TCF3: variants seen among roughly 807,000 people sequenced by gnomAD.
The protein encoded by TCF3 is transcription factor 3, also known as transcription factor E2-alpha.
TCF3 carries 54 observed loss-of-function variants against 72.3 expected under a neutral mutation model. That is an observed-to-expected ratio of 0.75 (90% CI 0.60 to 0.94). TCF3 has a LOEUF of 0.94. TCF3 is among the 40% of genes least tolerant of loss of function. The probability of loss-of-function intolerance (pLI) is 0.00; values close to 1 mark genes in which losing one functional copy is unlikely to be tolerated. For synonymous variants in TCF3, 525 were observed against 412.6 expected (o/e 1.27, Z -3.30); for missense variants, 1,078 against 934.4 (o/e 1.15, Z -2.00).
chr19:1,635,870 C>T (rs986006593), intron 3 of TCF3, among the ~76,000 whole-genome samples: 3 of 152,232 alleles, frequency 2.0e-5, no homozygotes, highest in African/African-American at 7.2e-5. Context: ...AACACCTCGA[C>T]AGCTCCTCAC....
intron 3 of TCF3, among the ~76,000 whole-genome samples, chr19:1,637,966 G>A (rs529598657): frequency 6.6e-6 from 1 of 152,140 alleles, no homozygotes; most frequent in Non-Finnish European, 1.5e-5. Flanking sequence ...GAACAAAAAG[G>A]ATGAAGTTCA....
rs1270544123 is a variant in TCF3, at chr19:1,622,348, G to C, written c.617C>G (p.Pro206Arg). ...GAAGGGGGCGGGATAGGTGCTGCTG[G>C]GGGTCTTGGCGGACGGGTAGGCGGT... The part of the protein sequence containing the change: ...DATAYPSAKT[P>R]SSTYPAPFYV... Residue 206 changes from proline (P) to arginine (R), a missense_variant, in exon 9 of 19, where the codon CCC becomes CGC. Physicochemically the swap from Pro to Arg is moderately radical, Grantham distance 103 (BLOSUM62 -2). Transcript: ENST00000262965. 1.3e-6 allele frequency: 2 copies of C among 1,535,918 alleles called. No homozygotes were observed. The highest frequency in any genetic ancestry group is 2.0e-5 in the Admixed American group (1 of 50,228).
intron 18 of TCF3, among the ~76,000 whole-genome samples, chr19:1,612,720 T>C (rs62130065): frequency 0.25 from 34,272 of 136,388 alleles, 4,194 homozygotes; most frequent in East Asian, 0.44. Context: ...ACGGCTGGTG[T>C]GGGTGTGGGC....
Position 1,614,857 on chromosome 19 carries a change from G to A in TCF3, c.1822+428C>T, listed in dbSNP as rs2061394534. Reference sequence around the variant, plus strand: ...GCTCATGTGGCCTTGCGTGGCATCTGCCTGACGGGAAGGGGCCAGGGTGGT... The same window carrying A: ...GCTCATGTGGCCTTGCGTGGCATCTACCTGACGGGAAGGGGCCAGGGTGGT... On this transcript the variant is annotated intron_variant, in intron 18 of 18. Transcript: ENST00000262965. This position sits in a 1 kb window ranked among gnomAD's most constrained non-coding sequence, Gnocchi z 5.6. Among the ~76,000 whole-genome samples, 1 of 152,122 alleles carries A rather than the reference G, an allele frequency of 6.6e-6. No individual in the cohort carries two copies. The highest frequency in any genetic ancestry group is 1.5e-5 in the Non-Finnish European group (1 of 68,018).
At chr19:1,639,416 C>T (rs2064920842) in intron 3 of TCF3, among the ~76,000 whole-genome samples, 1 of 152,100 alleles carries the variant, frequency 6.6e-6, no homozygotes, top group South Asian at 2.1e-4. Flanking sequence ...CCCACACAAG[C>T]CCACAATCCT....
At position 1,630,255 on chromosome 19, in the gene TCF3, G is replaced by C. The variant is rs979640611; in HGVS notation, c.298+1783C>G. ...CAGGTGCAGGGGCCACCCCCGGCAGGGGGGCGGGGCCAGGCCTCACCTACC... is the reference window on the plus strand; with the variant it reads ...CAGGTGCAGGGGCCACCCCCGGCAGCGGGGCGGGGCCAGGCCTCACCTACC... On this transcript the variant is annotated intron_variant, in intron 5 of 18. Transcript: ENST00000262965. 3.3e-5 allele frequency among the ~76,000 whole-genome samples: 5 copies of C among 152,320 alleles called. No individual in the cohort carries two copies. In the East Asian group the frequency reaches 7.7e-4, roughly 24 times the overall value.
rs1288438270 is a variant in TCF3 at position 1,610,271 on chromosome 19, C to T, written c.*1436G>A. Reference sequence around the variant, plus strand: ...GGCTCAGACCAGCACAGTCCCCCGGCTCCAGCCACTCTTGCCCTTGGACCA... The same window carrying T: ...GGCTCAGACCAGCACAGTCCCCCGGTTCCAGCCACTCTTGCCCTTGGACCA... On this transcript the variant is annotated 3_prime_UTR_variant, in exon 19 of 19. Transcript: ENST00000262965. The T allele has an allele frequency of 8.6e-6, 2 of 232,148 alleles. No individual in the cohort carries two copies. The highest frequency in any genetic ancestry group is 5.6e-5 in the Admixed American group (1 of 17,754). 14.4% of individuals were successfully genotyped at this position (232,148 alleles called of 1,614,324 possible).
chr19:1,612,326 G>A (rs1022409862), intron 18 of TCF3: 17 of 1,613,938 alleles, frequency 1.1e-5, no homozygotes, highest in Non-Finnish European at 1.3e-5. Context: ...CTCCCGGAAG[G>A]CCTCGTTAAT....
At chr19:1,643,628 G>A (rs2065651666) in intron 3 of TCF3, among the ~76,000 whole-genome samples, 1 of 152,164 alleles carries the variant, frequency 6.6e-6, no homozygotes, top group South Asian at 2.1e-4. Context: ...CGATCCTCCT[G>A]CCTTGGCCTC....
intron 2 of TCF3, among the ~76,000 whole-genome samples, chr19:1,649,725 C>G (rs2066699433): frequency 6.6e-6 from 1 of 152,146 alleles, no homozygotes; most frequent in Non-Finnish European, 1.5e-5. Context: ...GCCCAGCCCC[C>G]CTCCCATTTA....
At position 1,610,166 on chromosome 19, in the gene TCF3, A is replaced by G. The variant is rs891415162; in HGVS notation, c.*1541T>C. 4.3e-5 allele frequency: 10 copies of G among 232,402 alleles called. No homozygotes were observed. The highest frequency in any genetic ancestry group is 7.6e-5 in the Non-Finnish European group (9 of 117,670). 14.4% of individuals were successfully genotyped at this position (232,402 alleles called of 1,614,324 possible). On this transcript the variant is annotated 3_prime_UTR_variant, in exon 19 of 19. Coordinates refer to ENST00000262965, the MANE Select transcript of TCF3 (RefSeq NM_003200.5). The stretch of plus-strand genomic sequence containing the variant: ...CCTGGAGAGAGGCCTGGGTGCTGGG[A>G]CATGGGACACAGATGGGCCCGAGGG...
chr19:1,642,505 G>T (rs1452138191), intron 3 of TCF3, among the ~76,000 whole-genome samples: 1 of 152,196 alleles, frequency 6.6e-6, no homozygotes, highest in African/African-American at 2.4e-5. Flanking sequence ...AATAAAAAGT[G>T]GATCAACTTC....
At chr19:1,619,876 A>G in intron 13 of TCF3, 23 bp from the exon 14 acceptor site, 1 of 1,555,036 alleles carries the variant, frequency 6.4e-7, no homozygotes, top group Non-Finnish European at 8.7e-7. Flanking sequence ...GGGGACGTGA[A>G]TGGGGTGCGA....
intron 5 of TCF3, 125 bp downstream of exon 5, chr19:1,631,913 G>A (rs764191509): frequency 1.6e-5 from 24 of 1,537,648 alleles, no homozygotes; most frequent in African/African-American, 6.9e-5. Context: ...CAGAGGCTTC[G>A]GCTGTCCACA....
rs897990107 is a variant in TCF3, at chr19:1,644,337, T to C, written c.145+2018A>G. Among the ~76,000 whole-genome samples the C allele has an allele frequency of 5.9e-5, 9 of 152,224 alleles. No homozygotes were observed. In the East Asian group the frequency reaches 1.7e-3, roughly 29 times the overall value. On this transcript the variant is annotated intron_variant, in intron 3 of 18. Coordinates refer to ENST00000262965, the MANE Select transcript of TCF3 (RefSeq NM_003200.5). ...GTGCCACCAACTCAGGCCTTGGAGC[T>C]CTGCATCCTCCACCACCCCCGGGCT...
intron 8 of TCF3, 118 bp downstream of exon 8, chr19:1,623,833 A>AG: frequency 3.9e-6 from 4 of 1,014,630 alleles, no homozygotes; most frequent in East Asian, 2.7e-5. Flanking sequence ...CAGAAATCAC[A>AG]GGGGGCCTGT....
At chr19:1,649,904 AGGACCATGCCC>A (rs2066738890) in intron 2 of TCF3, among the ~76,000 whole-genome samples, 1 of 152,258 alleles carries the variant, frequency 6.6e-6, no homozygotes, top group Non-Finnish European at 1.5e-5. Flanking sequence ...CTGGGGGCCC[AGGACCATGCCC>A]CTGAGGACTC....
intron 14 of TCF3, 42 bp from the exon 15 acceptor site, chr19:1,619,516 G>A (rs771986020): frequency 1.0e-5 from 16 of 1,542,768 alleles, no homozygotes; most frequent in Non-Finnish European, 1.3e-5. Context: ...CCAAGCCGAG[G>A]GACCCCACAG....
intron 1 of TCF3, among the ~76,000 whole-genome samples, chr19:1,651,946 C>G (rs1035332215): frequency 6.6e-6 from 1 of 151,254 alleles, no homozygotes; most frequent in Non-Finnish European, 1.5e-5. Flanking sequence ...AAGGGGGCGC[C>G]CCGGGGTCCC....
Sources: allele counts gnomAD v4.1 joint callset (sites outside exome capture counted in the v4.1 genomes callset), GRCh38; gene constraint gnomAD v4.1.1; non-coding constraint Gnocchi (gnomAD v3.1); transcripts MANE v1.5; gene names NCBI Gene and HGNC (gene_info 2026-07-23, HGNC 2026-07-21).